Variants in UGT2A1 observed in about 807,000 individuals in gnomAD.
UGT2A1 encodes UDP glucuronosyltransferase family 2 member A1 complex locus, also known as UDP-glucuronosyltransferase 2A1.
In UGT2A1, 61 loss-of-function variants were observed where a neutral mutation model predicts 45.4. The observed-to-expected ratio is 1.34, with a 90% CI of 1.09 to 1.66. UGT2A1 has a LOEUF of 1.66. UGT2A1 is among the 40% of genes most tolerant of loss of function. The pLI is 0.00. For synonymous variants in UGT2A1, 229 were observed against 196.2 expected (o/e 1.17, Z -1.40); for missense variants, 649 against 574.3 (o/e 1.13, Z -1.33).
At chr4:69,624,459 A>G (rs1720922593) in intron 3 of UGT2A1, among the ~76,000 whole-genome samples, 1 of 151,466 alleles carries the variant, frequency 6.6e-6, no homozygotes, top group African/African-American at 2.4e-5. Flanking sequence ...CTTTACATTT[A>G]ATGTGATTAT....
At chr4:69,598,453 C>A (rs546996579) in intron 4 of UGT2A1, among the ~76,000 whole-genome samples, 3 of 152,036 alleles carry the variant, frequency 2.0e-5, no homozygotes, top group Admixed American at 2.0e-4. Flanking sequence ...TTTCTGAAGA[C>A]TTCATATTGT....
intron 3 of UGT2A1, among the ~76,000 whole-genome samples, chr4:69,617,030 T>C (rs2109928677): frequency 1.3e-5 from 2 of 152,024 alleles, no homozygotes. Flanking sequence ...GGAAATAGGA[T>C]ATAATTTCAG....
In UGT2A1 at chr4:69,588,641, CAT is replaced by C. The variant is rs1289212129; in HGVS notation, c.*729_*730del. ...TGATCTGTTCACCTTCAACATATAACATAGAACTTTCTCCTTGAAATAAAAGA... is the reference window on the plus strand; with the variant it reads ...TGATCTGTTCACCTTCAACATATAACAGAACTTTCTCCTTGAAATAAAAGA... On this transcript the variant is annotated 3_prime_UTR_variant, in exon 7 of 7. Coordinates refer to ENST00000286604, the MANE Select transcript of UGT2A1 (RefSeq NM_001252275.3). The C allele has an allele frequency of 6.6e-6, 1 of 151,872 alleles. No homozygotes were observed. The highest frequency in any genetic ancestry group is 1.5e-5 in the Non-Finnish European group (1 of 67,944). The allele number at this position is 151,872 out of a possible 1,614,324, so 9.4% of individuals were successfully genotyped here. A position where few individuals can be genotyped will look rare whatever the true frequency, so the allele number is the denominator to read the frequency against.
At chr4:69,636,203 G>A (rs1285317030) in intron 2 of UGT2A1, among the ~76,000 whole-genome samples, 1 of 152,066 alleles carries the variant, frequency 6.6e-6, no homozygotes, top group East Asian at 1.9e-4. Context: ...ACACAGAACT[G>A]AAGAACAACT....
intron 3 of UGT2A1, among the ~76,000 whole-genome samples, chr4:69,610,242 A>G (rs543126204): frequency 7.9e-6 from 1 of 127,326 alleles, no homozygotes; most frequent in African/African-American, 3.1e-5. Context: ...TAATTCTGCC[A>G]TTACAAAAAA....
In UGT2A1 at chr4:69,599,524, C is replaced by G. The variant is rs532188920; in HGVS notation, c.848-130G>C. On this transcript the variant is annotated intron_variant, in intron 3 of 6. Transcript: ENST00000286604. ...GAATTAGGTCTTCTAGAATACTTAT[C>G]ATGTTTATATATTAAGAAGAAGGAG... 21 of 1,300,188 alleles carry G rather than the reference C, an allele frequency of 1.6e-5. 1 individual carries two copies. The African/African-American group carries it at 3.0e-4, about 19-fold the overall frequency. The allele number at this position is 1,300,188 out of a possible 1,614,324, so 80.5% of individuals were successfully genotyped here.
At chr4:69,643,859 C>T (rs1402725266) in intron 2 of UGT2A1, among the ~76,000 whole-genome samples, 3 of 151,562 alleles carry the variant, frequency 2.0e-5, no homozygotes, top group African/African-American at 4.8e-5. Context: ...ATTCAAATTA[C>T]AAATTGGAAA....
chr4:69,652,458 A>G (rs1044890923), intron 1 of UGT2A1, among the ~76,000 whole-genome samples: 5 of 151,760 alleles, frequency 3.3e-5, no homozygotes, highest in Non-Finnish European at 5.9e-5. Flanking sequence ...TAATTTTTGT[A>G]TATTTAGTAG....
chr4:69,602,397 A>G (rs1719344713), intron 3 of UGT2A1, among the ~76,000 whole-genome samples: 1 of 137,414 alleles, frequency 7.3e-6, no homozygotes, highest in Non-Finnish European at 1.6e-5. Flanking sequence ...GACAACTTTA[A>G]TTCAACAATA....
chr4:69,644,417 G>T (rs1037626611), intron 2 of UGT2A1, among the ~76,000 whole-genome samples: 2 of 151,558 alleles, frequency 1.3e-5, no homozygotes, highest in Non-Finnish European at 3.0e-5. Flanking sequence ...ACCAAGAGAC[G>T]GTCTATGTAC....
chr4:69,596,546 A>G (rs1718944691), intron 4 of UGT2A1, among the ~76,000 whole-genome samples: 1 of 151,754 alleles, frequency 6.6e-6, no homozygotes, highest in South Asian at 2.1e-4. Flanking sequence ...TTTTTTTGGC[A>G]GAGTCTCGCT....
chr4:69,627,548 A>AAGAGAG (rs780406424), intron 3 of UGT2A1, among the ~76,000 whole-genome samples: 4 of 62,590 alleles, frequency 6.4e-5, no homozygotes, highest in Non-Finnish European at 1.5e-4. Flanking sequence ...GAGAGAGAGA[A>AAGAGAG]AGAGAGAGAG....
At chr4:69,639,918 T>C (rs1470234222) in intron 2 of UGT2A1, among the ~76,000 whole-genome samples, 2 of 152,012 alleles carry the variant, frequency 1.3e-5, no homozygotes, top group African/African-American at 4.8e-5. Context: ...ATAAAATACA[T>C]CTTTAATATA....
intron 3 of UGT2A1, among the ~76,000 whole-genome samples, chr4:69,622,701 C>T (rs950924629): frequency 6.6e-6 from 1 of 151,662 alleles, no homozygotes; most frequent in African/African-American, 2.4e-5. Flanking sequence ...AACTTCAATT[C>T]TATACTTGAT....
At chr4:69,591,485 A>G (rs1718597302) in intron 6 of UGT2A1, among the ~76,000 whole-genome samples, 1 of 152,128 alleles carries the variant, frequency 6.6e-6, no homozygotes, top group African/African-American at 2.4e-5. Flanking sequence ...CCAAGTCCTT[A>G]TTTGCAGAGG....
At chr4:69,637,544 A>G (rs1721780246) in intron 2 of UGT2A1, among the ~76,000 whole-genome samples, 1 of 152,026 alleles carries the variant, frequency 6.6e-6, no homozygotes, top group South Asian at 2.1e-4. Context: ...GATCTTATGG[A>G]TTCTGACTTT....
Position 69,627,544 on chromosome 4 carries a change from GAGAA to G in UGT2A1, c.847+8143_847+8146del, listed in dbSNP as rs1256213367. ...AAGAAGAAAGAAAGAAAGAGAGAGA[GAGAA>G]AGAGAGAGAGAGAGAGAGAAAGAAA... On this transcript the variant is annotated intron_variant, in intron 3 of 6. Coordinates refer to ENST00000286604, the MANE Select transcript of UGT2A1 (RefSeq NM_001252275.3). 8.8e-4 allele frequency among the ~76,000 whole-genome samples: 84 copies of G among 95,688 alleles called. No individual in the cohort carries two copies. In the East Asian group the frequency reaches 0.012, roughly 13 times the overall value. The allele number at this position is 95,688 out of a possible 152,430, so 62.8% of individuals were successfully genotyped here.
chr4:69,629,564 T>C (rs1033272306), intron 3 of UGT2A1, among the ~76,000 whole-genome samples: 9 of 152,080 alleles, frequency 5.9e-5, no homozygotes, highest in African/African-American at 2.2e-4. Context: ...AAACAGGCTC[T>C]AGACATCTAT....
At chr4:69,642,728 T>C (rs1722101288) in intron 2 of UGT2A1, among the ~76,000 whole-genome samples, 1 of 151,620 alleles carries the variant, frequency 6.6e-6, no homozygotes, top group Admixed American at 6.6e-5. Flanking sequence ...GCATTCATCT[T>C]AGAGATTATT....
Sources: gnomAD v4.1 joint callset for allele counts (sites outside exome capture counted in the v4.1 genomes callset) on GRCh38, gnomAD v4.1.1 for gene constraint, MANE v1.5 for transcripts, NCBI Gene and HGNC (gene_info 2026-07-23, HGNC 2026-07-21) for gene names.